Variants in PKD1L1 observed in about 807,000 individuals in gnomAD.
PKD1L1 encodes the protein polycystin 1 like 1, transient receptor potential channel interacting, also known as polycystin-1-like protein 1.
Under a neutral mutation model 323.4 loss-of-function variants are expected in PKD1L1, and 236 were observed. That is an observed-to-expected ratio of 0.73 (90% CI 0.66 to 0.81). The LOEUF is 0.81. Ranked by LOEUF, PKD1L1 falls within the 40% of genes least tolerant of loss-of-function variation. The pLI, the probability that PKD1L1 is intolerant of heterozygous loss-of-function variation, is 0.00. For synonymous variants in PKD1L1, 1,344 were observed against 1,335.0 expected, an observed-to-expected ratio of 1.01 and a Z score of -0.15; for missense variants, 3,320 against 3,508.0, an observed-to-expected ratio of 0.95 and a Z score of 1.35.
chr7:47,922,474 C>T lies in PKD1L1; in HGVS notation c.1060+6730G>A, dbSNP rs543031064. Among the ~76,000 whole-genome samples, 19 of 152,038 alleles carry T rather than the reference C, an allele frequency of 1.2e-4. No individual in the cohort carries two copies. In the East Asian group the frequency reaches 3.7e-3, roughly 30 times the overall value. On this transcript the variant is annotated intron_variant, in intron 7 of 56. Transcript: ENST00000289672. ...CCCGTCTAGGAAGTGAGGAGCGTCT[C>T]TGCCCGGCTGCCCATCGTCTGGGAT...
intron 46 of PKD1L1, chr7:47,818,035 T>C (rs746105980): frequency 5.0e-5 from 68 of 1,366,126 alleles, no homozygotes; most frequent in Non-Finnish European, 6.4e-5. Flanking sequence ...GGTCTTTTAT[T>C]GGGTGCTGGT....
chr7:47,872,618 C>T (rs867507715), intron 24 of PKD1L1, among the ~76,000 whole-genome samples: 22 of 152,258 alleles, frequency 1.4e-4, no homozygotes, highest in Middle Eastern at 6.8e-3. Context: ...ATTAGAGAAA[C>T]GCAAGTCCAA....
rs767036880 is a variant in PKD1L1 at position 47,856,489 on chromosome 7, TACG to T, written c.4590+1113_4590+1115del. ...AATAATATTGTTTTGAGCAAATAAA[TACG>T]ACAAGACATCTTGTTCTGAACAAAT... On this transcript the variant is annotated intron_variant, in intron 28 of 56. Transcript: ENST00000289672. Among the ~76,000 whole-genome samples, 20 of 152,342 alleles carry T rather than the reference TACG, an allele frequency of 1.3e-4. No homozygotes were observed. The East Asian group carries it at 3.9e-3, about 29-fold the overall frequency.
At chr7:47,914,423 A>G (rs944139899) in intron 8 of PKD1L1, among the ~76,000 whole-genome samples, 1 of 152,218 alleles carries the variant, frequency 6.6e-6, no homozygotes, top group African/African-American at 2.4e-5. Context: ...AAGGTGGCAA[A>G]TGAAATAATC....
Position 47,936,697 on chromosome 7 carries a change from T to C in PKD1L1, c.398+149A>G, listed in dbSNP as rs1199929023. On this transcript the variant is annotated intron_variant, in intron 4 of 56. Coordinates refer to ENST00000289672, the MANE Select transcript of PKD1L1 (RefSeq NM_138295.5). ...AATTAACTTCAGAACACCATTCTTT[T>C]TTCCATCAATTTAAGAGCTGCATTT... 10 of 618,094 alleles carry C rather than the reference T, an allele frequency of 1.6e-5. 1 individual carries two copies. The highest frequency in any genetic ancestry group is 2.6e-4 in the Middle Eastern group (1 of 3,824). 38.3% of individuals were successfully genotyped at this position (618,094 alleles called of 1,614,324 possible).
At chr7:47,813,037 G>A (rs1000241172) in intron 49 of PKD1L1, 84 bp downstream of exon 49, 4 of 1,509,760 alleles carry the variant, frequency 2.6e-6, no homozygotes, top group Admixed American at 4.0e-5. Flanking sequence ...TGCACCTGCT[G>A]CAGATGCGCT....
chr7:47,827,287 G>A (rs1785255934), intron 45 of PKD1L1, 63 bp downstream of exon 45: 4 of 1,373,862 alleles, frequency 2.9e-6, no homozygotes, highest in African/African-American at 2.9e-5. Context: ...GCGGCAGTGG[G>A]GTACTCCCTC....
At chr7:47,888,644 A>G (rs952220654) in intron 16 of PKD1L1, among the ~76,000 whole-genome samples, 2 of 152,222 alleles carry the variant, frequency 1.3e-5, no homozygotes, top group Non-Finnish European at 2.9e-5. Context: ...AGATGCTCAC[A>G]AAGAAAGATG....
intron 52 of PKD1L1, among the ~76,000 whole-genome samples, chr7:47,804,663 T>G (rs907981775): frequency 1.3e-5 from 2 of 152,042 alleles, no homozygotes; most frequent in Non-Finnish European, 2.9e-5. Flanking sequence ...TTTTTGCATT[T>G]TAATAGAGAC....
Position 47,894,433 on chromosome 7 carries a change from G to A in PKD1L1, c.2272-374C>T, listed in dbSNP as rs541261896. ...AACTTCCTTCACCTATCTTAGAGCT[G>A]CTTCTTTCTAACCCCCAAACATATC... On this transcript the variant is annotated intron_variant, in intron 14 of 56. Coordinates refer to ENST00000289672, the MANE Select transcript of PKD1L1 (RefSeq NM_138295.5). 1.4e-4 allele frequency among the ~76,000 whole-genome samples: 22 copies of A among 152,284 alleles called. 1 individual carries two copies. The South Asian group carries it at 4.1e-3, about 29-fold the overall frequency.
intron 1 of PKD1L1, among the ~76,000 whole-genome samples, chr7:47,948,144 T>G (rs1562576296): frequency 6.6e-6 from 1 of 152,102 alleles, no homozygotes; most frequent in Non-Finnish European, 1.5e-5. Context: ...GGAAGAGCAA[T>G]CAGCACTTCT....
At position 47,874,017 on chromosome 7, in the gene PKD1L1, G is replaced by A. The variant is rs17131867; in HGVS notation, c.3785-7C>T. 444,905 of 1,567,338 alleles carry A rather than the reference G, an allele frequency of 0.28. 66,096 individuals are homozygous for A. Among genetic ancestry groups the A allele is most frequent in the African/African-American group, 0.44 (32,406 of 74,032 alleles). On this transcript the variant is annotated splice_polypyrimidine_tract_variant and splice_region_variant and intron_variant, in intron 23 of 56. Transcript: ENST00000289672. The stretch of plus-strand genomic sequence containing the variant: ...ATTTCAGTGGAAACCATGACTGTGA[G>A]GGAACATGTCAGAAGAGGGTCATCT...
chr7:47,785,931 G>A (rs1786797115), intron 56 of PKD1L1, among the ~76,000 whole-genome samples: 1 of 151,872 alleles, frequency 6.6e-6, no homozygotes, highest in Non-Finnish European at 1.5e-5. Flanking sequence ...TAGGAGGCAC[G>A]GGGTTTCACT....
chr7:47,832,897 G>A (rs949915668), intron 41 of PKD1L1, among the ~76,000 whole-genome samples, 193 bp downstream of exon 41: 4 of 152,268 alleles, frequency 2.6e-5, no homozygotes, highest in Non-Finnish European at 4.4e-5. Context: ...TTAAGTACCT[G>A]CCAGAAAGCA....
intron 2 of PKD1L1, among the ~76,000 whole-genome samples, chr7:47,943,163 A>AT (rs1488130702): frequency 1.8e-4 from 6 of 34,134 alleles, no homozygotes; most frequent in Admixed American, 3.9e-4. Context: ...AAAAAAAAAA[A>AT]ATATATATAT....
intron 33 of PKD1L1, 65 bp downstream of exon 33, chr7:47,844,930 G>T: frequency 7.4e-7 from 1 of 1,359,186 alleles, no homozygotes. Context: ...TTATATGTGG[G>T]CATCCTGAGT....
At chr7:47,836,542 C>G (rs757928119) in intron 37 of PKD1L1, among the ~76,000 whole-genome samples, 2 of 152,212 alleles carry the variant, frequency 1.3e-5, no homozygotes, top group Non-Finnish European at 2.9e-5. Context: ...ATGTGGCCAT[C>G]AGAATGGTTC....
intron 12 of PKD1L1, 113 bp from the exon 13 acceptor site, chr7:47,902,624 C>A: frequency 7.8e-7 from 1 of 1,285,342 alleles, no homozygotes; most frequent in South Asian, 1.5e-5. Flanking sequence ...GACAGCAAGT[C>A]ATCCCATGAA....
At position 47,840,354 on chromosome 7, in the gene PKD1L1, T is replaced by G. The variant is rs1785541515; in HGVS notation, c.5552+107A>C. 1.4e-6 allele frequency: 1 copy of G among 740,364 alleles called. No individual in the cohort carries two copies. The highest frequency in any genetic ancestry group is 1.8e-5 in the African/African-American group (1 of 57,086). The allele number at this position is 740,364 out of a possible 1,614,324, so 45.9% of individuals were successfully genotyped here. A position where few individuals can be genotyped will look rare whatever the true frequency, so the allele number is the denominator to read the frequency against. Reference sequence around the variant, plus strand: ...TTTGTATATAAATCGATGCTCACTATTAGAGACCAATGTTATGTATTCTAC... The same window carrying G: ...TTTGTATATAAATCGATGCTCACTAGTAGAGACCAATGTTATGTATTCTAC... On this transcript the variant is annotated intron_variant, in intron 35 of 56. Coordinates refer to ENST00000289672, the MANE Select transcript of PKD1L1 (RefSeq NM_138295.5). The surrounding 1 kb of genome is among the most constrained non-coding windows in gnomAD (Gnocchi z 4.1).
Sources: allele counts gnomAD v4.1 joint callset (sites outside exome capture counted in the v4.1 genomes callset), GRCh38; gene constraint gnomAD v4.1.1; non-coding constraint Gnocchi (gnomAD v3.1); transcripts MANE v1.5; gene names NCBI Gene and HGNC (gene_info 2026-07-23, HGNC 2026-07-21).